Variants in DOCK3 observed in about 807,000 individuals in gnomAD.
DOCK3 encodes dedicator of cytokinesis 3.
A neutral mutation model predicts 265.6 loss-of-function variants in DOCK3; 60 were observed. The observed-to-expected ratio is 0.23, with a 90% CI of 0.18 to 0.28. DOCK3 has a LOEUF of 0.28. DOCK3 is among the 10% of genes least tolerant of loss of function. DOCK3 has a pLI of 1.00. For missense variants in DOCK3, 1,981 were observed against 2,594.3 expected (o/e 0.76, Z 5.14); for synonymous variants, 881 against 938.0 (o/e 0.94, Z 1.11).
At chr3:51,208,140 C>T (rs2089317658) in intron 12 of DOCK3, among the ~76,000 whole-genome samples, 1 of 152,130 alleles carries the variant, frequency 6.6e-6, no homozygotes, top group African/African-American at 2.4e-5. Flanking sequence ...GAGCTTTATT[C>T]CTAGGAAGAA....
At chr3:51,071,978 G>C (rs191090690) in intron 6 of DOCK3, among the ~76,000 whole-genome samples, 80 of 152,094 alleles carry the variant, frequency 5.3e-4, no homozygotes, top group African/African-American at 1.9e-3. Flanking sequence ...AACTCTTTTT[G>C]GTTTTTACCA....
chr3:50,759,059 G>A (rs946438308), intron 1 of DOCK3, among the ~76,000 whole-genome samples: 1 of 152,042 alleles, frequency 6.6e-6, no homozygotes, highest in Non-Finnish European at 1.5e-5. Flanking sequence ...GTATATAATC[G>A]TGCTAGAACA....
chr3:50,788,201 G>T, intron 2 of DOCK3: 1 of 767,744 alleles, frequency 1.3e-6, no homozygotes, highest in South Asian at 2.3e-5. Flanking sequence ...ACTTGCCCAT[G>T]ACGGCTATCA....
chr3:50,756,136 G>C (rs1046891540), intron 1 of DOCK3, among the ~76,000 whole-genome samples: 6 of 152,168 alleles, frequency 3.9e-5, no homozygotes, highest in African/African-American at 1.2e-4. Context: ...GTCTGCATGT[G>C]CAGTGGCCTG....
chr3:51,069,576 A>G (rs924257838), intron 6 of DOCK3, among the ~76,000 whole-genome samples: 5 of 150,778 alleles, frequency 3.3e-5, no homozygotes, highest in Admixed American at 6.6e-5. Flanking sequence ...ATGTGTGTAT[A>G]TGTGTGTGTG....
intron 40 of DOCK3, among the ~76,000 whole-genome samples, chr3:51,351,430 T>C (rs2085970283): frequency 6.6e-6 from 1 of 152,200 alleles, no homozygotes; most frequent in African/African-American, 2.4e-5. Flanking sequence ...GCTAGTCTGC[T>C]AGCGGCAGAG....
chr3:51,209,659 G>A lies in DOCK3; in HGVS notation c.1126+797G>A, dbSNP rs114482178. 7.5e-3 allele frequency among the ~76,000 whole-genome samples: 1,143 copies of A among 152,286 alleles called. 15 individuals are homozygous for A. Among genetic ancestry groups the A allele is most frequent in the African/African-American group, 0.026 (1,098 of 41,556 alleles). ...TTCATAGACCTGTTGGAAATTATAA[G>A]TTGTCCTTAAATGACAGTGTAAAGT... On this transcript the variant is annotated intron_variant, in intron 13 of 52. Coordinates refer to ENST00000266037, the MANE Select transcript of DOCK3 (RefSeq NM_004947.5).
rs901780887 is a variant in DOCK3, at chr3:50,906,310, A to G, written c.218+16229A>G. Reference sequence around the variant, plus strand: ...GTTAGGGAGGATTCTGTCTTTTTCTATTGATTGGAATAGTTTTAGAAGGAA... The same window carrying G: ...GTTAGGGAGGATTCTGTCTTTTTCTGTTGATTGGAATAGTTTTAGAAGGAA... On this transcript the variant is annotated intron_variant, in intron 4 of 52. Transcript: ENST00000266037. Among the ~76,000 whole-genome samples the G allele has an allele frequency of 2.0e-4, 31 of 151,752 alleles. 1 individual carries two copies. The highest frequency in any genetic ancestry group is 6.3e-4 in the African/African-American group (26 of 41,236).
chr3:50,692,024 C>T (rs1249282736), intron 1 of DOCK3, among the ~76,000 whole-genome samples: 2 of 151,654 alleles, frequency 1.3e-5, no homozygotes, highest in Non-Finnish European at 2.9e-5. Context: ...AGGGGATTCT[C>T]CCACCTCAGC....
chr3:50,690,131 T>C (rs1260803056), intron 1 of DOCK3, among the ~76,000 whole-genome samples: 1 of 151,276 alleles, frequency 6.6e-6, no homozygotes, highest in Non-Finnish European at 1.5e-5. Context: ...TTTGCTATTT[T>C]TACCTTTTTT....
intron 35 of DOCK3, among the ~76,000 whole-genome samples, chr3:51,334,234 C>T (rs1356989408): frequency 1.3e-5 from 2 of 152,198 alleles, no homozygotes; most frequent in African/African-American, 4.8e-5. Flanking sequence ...GCCACAACTG[C>T]AGCCTTAATC....
intron 14 of DOCK3, among the ~76,000 whole-genome samples, chr3:51,215,107 G>A (rs941117664): frequency 3.3e-5 from 5 of 152,088 alleles, no homozygotes; most frequent in African/African-American, 1.2e-4. Flanking sequence ...TACCCTCTCA[G>A]TTGAGTTTTT....
At chr3:50,956,924 G>A (rs1199830977) in intron 5 of DOCK3, among the ~76,000 whole-genome samples, 2 of 151,986 alleles carry the variant, frequency 1.3e-5, no homozygotes, top group Non-Finnish European at 2.9e-5. Flanking sequence ...GTGCAGTGAC[G>A]CCATTTCGGC....
chr3:50,702,535 T>G (rs2036116449), intron 1 of DOCK3, among the ~76,000 whole-genome samples: 1 of 151,926 alleles, frequency 6.6e-6, no homozygotes, highest in Non-Finnish European at 1.5e-5. Context: ...AGCTAATTTT[T>G]TTTTGGTATT....
chr3:51,140,909 A>G (rs1165804602), intron 9 of DOCK3, among the ~76,000 whole-genome samples: 2 of 152,198 alleles, frequency 1.3e-5, no homozygotes, highest in Non-Finnish European at 2.9e-5. Context: ...TTGGAGAAAT[A>G]TCTATTCAAG....
At chr3:51,195,095 G>C (rs2088200103) in intron 12 of DOCK3, among the ~76,000 whole-genome samples, 1 of 152,064 alleles carries the variant, frequency 6.6e-6, no homozygotes, top group Non-Finnish European at 1.5e-5. Flanking sequence ...AAAATGCTGG[G>C]ATTACAGGCA....
At chr3:50,775,072 T>A (rs2108496191) in intron 1 of DOCK3, among the ~76,000 whole-genome samples, 2 of 152,180 alleles carry the variant, frequency 1.3e-5, no homozygotes, top group Middle Eastern at 6.8e-3. Flanking sequence ...TTTTAAAAAA[T>A]GTTTTTATTT....
chr3:50,956,972 C>A (rs2076747775), intron 5 of DOCK3, among the ~76,000 whole-genome samples: 1 of 152,296 alleles, frequency 6.6e-6, no homozygotes, highest in South Asian at 2.1e-4. Context: ...AAGCGATTCT[C>A]ATGCCTCCGC....
intron 1 of DOCK3, among the ~76,000 whole-genome samples, chr3:50,753,999 T>C (rs565323587): frequency 2.5e-4 from 38 of 151,750 alleles, no homozygotes; most frequent in African/African-American, 8.2e-4. Context: ...CTACTAAAAA[T>C]ACAAAAATTA....
Sources: gnomAD v4.1 joint callset for allele counts (sites outside exome capture counted in the v4.1 genomes callset) on GRCh38, gnomAD v4.1.1 for gene constraint, MANE v1.5 for transcripts, NCBI Gene and HGNC (gene_info 2026-07-23, HGNC 2026-07-21) for gene names.